Variants in PPIL6 observed in about 807,000 individuals in gnomAD.
PPIL6 encodes peptidylprolyl isomerase like 6.
Under a neutral mutation model 36.8 loss-of-function variants are expected in PPIL6, and 39 were observed. The observed-to-expected ratio is 1.06, with a 90% CI of 0.82 to 1.38. PPIL6 has a LOEUF of 1.38. Among genes scored for constraint, PPIL6 ranks in the 40% most tolerant of loss-of-function variants. The pLI, the probability that PPIL6 is intolerant of heterozygous loss-of-function variation, is 0.00. For missense variants in PPIL6, 368 were observed against 379.1 expected (o/e 0.97, Z 0.24); for synonymous variants, 123 against 134.1 (o/e 0.92, Z 0.57).
intron 6 of PPIL6, among the ~76,000 whole-genome samples, chr6:109,412,596 T>C (rs886375451): frequency 1.3e-5 from 2 of 152,090 alleles, no homozygotes; most frequent in African/African-American, 4.8e-5. Flanking sequence ...CACAAACTCA[T>C]AGTGAACTCA....
Position 109,392,385 on chromosome 6 carries a change from G to A in PPIL6, c.*441C>T. ...GGGTTTCACCATGTTGGCCAGGATG[G>A]TCTCAATCTCTTGATCTTGTGATCC... On this transcript the variant is annotated 3_prime_UTR_variant, in exon 8 of 8. Transcript: ENST00000521072. 6.4e-6 allele frequency: 1 copy of A among 155,052 alleles called. No individual in the cohort carries two copies. The highest frequency in any genetic ancestry group is 1.4e-5 in the Non-Finnish European group (1 of 70,072). The allele number at this position is 155,052 out of a possible 1,614,324, so 9.6% of individuals were successfully genotyped here. A position where few individuals can be genotyped will look rare whatever the true frequency, so the allele number is the denominator to read the frequency against.
intron 1 of PPIL6, among the ~76,000 whole-genome samples, chr6:109,439,293 C>T (rs1388255954): frequency 6.6e-6 from 1 of 152,156 alleles, no homozygotes; most frequent in African/African-American, 2.4e-5. Flanking sequence ...CAACACAGAC[C>T]ACAATTTCTA....
intron 6 of PPIL6, among the ~76,000 whole-genome samples, chr6:109,417,826 G>A (rs186796454): frequency 3.3e-5 from 5 of 152,270 alleles, no homozygotes; most frequent in South Asian, 2.1e-4. Flanking sequence ...GTTACTGATC[G>A]CTATAGCCAA....
At position 109,391,319 on chromosome 6, in the gene PPIL6, AAAG is replaced by A. The variant is rs1772093815; in HGVS notation, c.*1504_*1506del. On this transcript the variant is annotated 3_prime_UTR_variant, in exon 8 of 8. Coordinates refer to ENST00000521072, the MANE Select transcript of PPIL6 (RefSeq NM_173672.5). Reference sequence around the variant, plus strand: ...AAAAAAAAAAAAAAAAAAAAAAAGAAAAGCACTCTTAGTCTGGGCAGAGCAGGG... The same window carrying A: ...AAAAAAAAAAAAAAAAAAAAAAAGAACACTCTTAGTCTGGGCAGAGCAGGG... 1 of 152,096 alleles carries A rather than the reference AAAG, an allele frequency of 6.6e-6. No individual in the cohort carries two copies. Among genetic ancestry groups the A allele is most frequent in the Admixed American group, 6.6e-5 (1 of 15,100 alleles). 9.4% of individuals were successfully genotyped at this position (152,096 alleles called of 1,614,324 possible). A position where few individuals can be genotyped will look rare whatever the true frequency, so the allele number is the denominator to read the frequency against.
chr6:109,405,339 T>C (rs1296714226), intron 6 of PPIL6, among the ~76,000 whole-genome samples: 1 of 152,198 alleles, frequency 6.6e-6, no homozygotes, highest in Non-Finnish European at 1.5e-5. Context: ...TATAGTTTAG[T>C]CTTTCCCATT....
intron 7 of PPIL6, among the ~76,000 whole-genome samples, chr6:109,396,060 C>T (rs1171736204): frequency 3.9e-5 from 6 of 152,018 alleles, no homozygotes; most frequent in African/African-American, 7.2e-5. Flanking sequence ...TGGTCTCGAT[C>T]GCTTGACCTC....
chr6:109,404,894 A>C (rs1562258338), intron 6 of PPIL6: 1 of 208,260 alleles, frequency 4.8e-6, no homozygotes, highest in Non-Finnish European at 1.0e-5. Flanking sequence ...TCTACTAAAA[A>C]TACAAAAAAA....
chr6:109,431,817 A>G (rs899867813), intron 2 of PPIL6, among the ~76,000 whole-genome samples: 9 of 152,220 alleles, frequency 5.9e-5, no homozygotes, highest in Admixed American at 2.0e-4. Flanking sequence ...CTGTAAATCA[A>G]TGACAATTCC....
intron 5 of PPIL6, among the ~76,000 whole-genome samples, chr6:109,426,329 C>T (rs1446428924): frequency 6.6e-6 from 1 of 152,198 alleles, no homozygotes. Context: ...TATTCAATTC[C>T]ATGCTTTTAA....
chr6:109,404,703 T>G (rs146349849), intron 6 of PPIL6, among the ~76,000 whole-genome samples: 65 of 152,346 alleles, frequency 4.3e-4, no homozygotes, highest in Non-Finnish European at 7.1e-4. Context: ...TAGAGCTGTC[T>G]GCAGGAATTC....
intron 6 of PPIL6, among the ~76,000 whole-genome samples, chr6:109,416,448 C>T (rs1424673260): frequency 6.6e-6 from 1 of 151,462 alleles, no homozygotes; most frequent in African/African-American, 2.4e-5. Flanking sequence ...GGTGATCCAC[C>T]CGCCTCAGCC....
rs1163475839 is a variant in PPIL6 at position 109,419,207 on chromosome 6, A to G, written c.668T>C (p.Ile223Thr). 2.6e-6 allele frequency: 4 copies of G among 1,560,200 alleles called. No individual in the cohort carries two copies. Among genetic ancestry groups the G allele is most frequent in the Middle Eastern group, 1.7e-4 (1 of 5,978 alleles). The part of the protein sequence containing the change: ...VYGKGDNGES[I>T]YGPTFEDENF... ...CATACCTTCAAATGTTGGACCATAAATCGACTCTCCATTATCTCCTTTTCC... is the reference window on the plus strand; with the variant it reads ...CATACCTTCAAATGTTGGACCATAAGTCGACTCTCCATTATCTCCTTTTCC... Residue 223 changes from isoleucine (I) to threonine (T), a missense_variant, in exon 6 of 8, where the codon ATT becomes ACT. Coordinates refer to ENST00000521072, the MANE Select transcript of PPIL6 (RefSeq NM_173672.5).
At chr6:109,403,894 T>C (rs1343594661) in intron 6 of PPIL6, among the ~76,000 whole-genome samples, 1 of 152,196 alleles carries the variant, frequency 6.6e-6, no homozygotes, top group Non-Finnish European at 1.5e-5. Context: ...ACTGGCTGGC[T>C]GCTGCATTCA....
chr6:109,421,563 T>A (rs969735580), intron 5 of PPIL6, among the ~76,000 whole-genome samples: 5 of 151,268 alleles, frequency 3.3e-5, no homozygotes, highest in African/African-American at 1.2e-4. Context: ...ATTATCATCA[T>A]CTTCATCATT....
chr6:109,420,126 G>A (rs1401446692), intron 5 of PPIL6, among the ~76,000 whole-genome samples: 6 of 151,908 alleles, frequency 3.9e-5, no homozygotes, highest in Non-Finnish European at 1.5e-5. Context: ...TTGAGGCCAG[G>A]AGTTCGAGAC....
At chr6:109,419,278 G>T in intron 5 of PPIL6, 35 bp from the exon 6 acceptor site, 3 of 1,351,900 alleles carry the variant, frequency 2.2e-6, no homozygotes, top group Non-Finnish European at 2.1e-6. Context: ...TTAGAATTTT[G>T]AGATGAAAAG....
chr6:109,424,441 G>A (rs1473365770), intron 5 of PPIL6, among the ~76,000 whole-genome samples: 1 of 152,180 alleles, frequency 6.6e-6, no homozygotes, highest in African/African-American at 2.4e-5. Context: ...CAAAGGGCAA[G>A]CAACAGTGCC....
chr6:109,398,136 C>T lies in PPIL6; in HGVS notation c.824+1899G>A, dbSNP rs571081792. 7.9e-5 allele frequency among the ~76,000 whole-genome samples: 12 copies of T among 152,256 alleles called. No homozygotes were observed. In the East Asian group the frequency reaches 1.4e-3, roughly 17 times the overall value. On this transcript the variant is annotated intron_variant, in intron 7 of 7. Transcript: ENST00000521072. ...TGAACTCCTGACCTCATGATCTACC[C>T]GCCTTGGCCTCCCAAAGTGCTGGGA...
At chr6:109,414,477 CTTTTTTTTTTTTT>C (rs146541023) in intron 6 of PPIL6, among the ~76,000 whole-genome samples, 1 of 86,512 alleles carries the variant, frequency 1.2e-5, no homozygotes, top group African/African-American at 5.4e-5. Flanking sequence ...TGTCTTTTAG[CTTTTTTTTTTTTT>C]TTTTTTTTTT....
Sources: allele counts gnomAD v4.1 joint callset (sites outside exome capture counted in the v4.1 genomes callset), GRCh38; gene constraint gnomAD v4.1.1; transcripts MANE v1.5; gene names NCBI Gene and HGNC (gene_info 2026-07-23, HGNC 2026-07-21).